SPACA6: variants seen among roughly 807,000 people sequenced by gnomAD.
SPACA6 encodes sperm acrosome membrane-associated protein 6.
For missense variants in SPACA6, 8 were observed against 2.8 expected (o/e 2.88, Z -1.34); for synonymous variants, 6 against 1.5 (o/e 4.05, Z -2.21).
intron 2 of SPACA6, among the ~76,000 whole-genome samples, chr19:51,697,983 C>G (rs1163255665): frequency 6.6e-6 from 1 of 152,176 alleles, no homozygotes; most frequent in Non-Finnish European, 1.5e-5. Context: ...AGGAGCCATT[C>G]TACACACTTA....
At chr19:51,684,043 A>G in the SPACA6 span, among the ~76,000 whole-genome samples, 2 of 151,074 alleles carry the variant, frequency 1.3e-5, no homozygotes, top group Non-Finnish European at 3.0e-5. Context: ...GATTCTAACC[A>G]GCTCTGTCAG....
chr19:51,697,813 C>T (rs931542566), intron 2 of SPACA6, among the ~76,000 whole-genome samples: 3 of 152,088 alleles, frequency 2.0e-5, no homozygotes, highest in Non-Finnish European at 2.9e-5. Context: ...ATGTATGCAG[C>T]GATTAGGTGT....
At chr19:51,693,131 A>C, upstream of SPACA6, 3 of 385,746 alleles carry the variant, frequency 7.8e-6, no homozygotes, top group Non-Finnish European at 1.6e-5. Context: ...CCCTCCCGAT[A>C]TCTCTCTGTG....
chr19:51,705,099 T>C lies in SPACA6; in HGVS notation c.951T>C (p.Phe317=). The C allele has an allele frequency of 2.5e-6, 1 of 401,352 alleles. No homozygotes were observed. 24.9% of individuals were successfully genotyped at this position (401,352 alleles called of 1,614,324 possible). The change falls in exon 9 of 9, where the codon TTT becomes TTC. Residue 317 remains phenylalanine, a synonymous_variant. Transcript: ENST00000637797. ...CTCTTTGTTTCCCCAGGATGTTCTT[T>C]CGATGGTACTGCAGTGGCAACTAAC... The part of the protein sequence containing the change: ...ASATVLAWMF[F]RWYCSGN
At chr19:51,682,889 G>A in the SPACA6 span, among the ~76,000 whole-genome samples, 2 of 151,942 alleles carry the variant, frequency 1.3e-5, no homozygotes, top group African/African-American at 2.4e-5. Context: ...CTAAAAATAC[G>A]AAAATTAGCC....
chr19:51,704,934 C>T (rs2083506294), intron 8 of SPACA6, 156 bp from the exon 9 acceptor site: 1 of 387,636 alleles, frequency 2.6e-6, no homozygotes, highest in South Asian at 1.3e-4. Flanking sequence ...GTTTCTCTTC[C>T]TTCAGACCCA....
rs1274765792 is a variant in SPACA6 at position 51,697,882 on chromosome 19, C to A, written c.292+3327C>A. Among the ~76,000 whole-genome samples, 5 of 152,188 alleles carry A rather than the reference C, an allele frequency of 3.3e-5. No homozygotes were observed. In the East Asian group the frequency reaches 7.7e-4, roughly 23 times the overall value. Reference sequence around the variant, plus strand: ...GTAGCCATGTGATTTTGGACCACTTCTCTAATCTCCCCATGCCTCCGTTTC... The same window carrying A: ...GTAGCCATGTGATTTTGGACCACTTATCTAATCTCCCCATGCCTCCGTTTC... On this transcript the variant is annotated intron_variant, in intron 2 of 8. Transcript: ENST00000637797.
chr19:51,703,733 G>A lies in SPACA6; in HGVS notation c.574-297G>A, dbSNP rs1451597928. Among the ~76,000 whole-genome samples, 1 of 152,156 alleles carries A rather than the reference G, an allele frequency of 6.6e-6. No homozygotes were observed. The highest frequency in any genetic ancestry group is 1.9e-4 in the East Asian group (1 of 5,196). ...AGACTGCTTAAGTCCAGGAGTTTGA[G>A]GCTGCAGTGAGCTATGATCGCGCCA... On this transcript the variant is annotated intron_variant, in intron 6 of 8. Transcript: ENST00000637797. This position sits in a 1 kb window ranked among gnomAD's most constrained non-coding sequence, Gnocchi z 4.2.
chr19:51,688,157 C>G (rs1023957390), upstream of SPACA6: 1 of 152,644 alleles, frequency 6.6e-6, no homozygotes, highest in Admixed American at 6.5e-5. Flanking sequence ...CCCTAAGAAT[C>G]TGACCCCGCC....
At chr19:51,694,150 G>A in intron 1 of SPACA6, 1 of 286,898 alleles carries the variant, frequency 3.5e-6, no homozygotes. Flanking sequence ...GTTGGAGACT[G>A]GAGAGGGAAT....
the SPACA6 span, among the ~76,000 whole-genome samples, chr19:51,682,837 G>A: frequency 0.35 from 53,443 of 152,006 alleles, 9,793 homozygotes; most frequent in Admixed American, 0.47. Context: ...GAGGTCAGGC[G>A]TTTGAGACCA....
intron 2 of SPACA6, among the ~76,000 whole-genome samples, chr19:51,695,762 A>G (rs2083425687): frequency 6.6e-6 from 1 of 152,176 alleles, no homozygotes; most frequent in Non-Finnish European, 1.5e-5. Flanking sequence ...ATGGGGGACA[A>G]ACTTGGAGGG....
intron 2 of SPACA6, among the ~76,000 whole-genome samples, chr19:51,701,203 C>G (rs1469515184): frequency 6.6e-6 from 1 of 151,400 alleles, no homozygotes; most frequent in African/African-American, 2.4e-5. Flanking sequence ...GCCTGGGTGA[C>G]AGTGAGACAC....
upstream of SPACA6, chr19:51,686,942 C>T (rs2083330881): frequency 6.6e-6 from 1 of 152,078 alleles, no homozygotes; most frequent in Non-Finnish European, 1.5e-5. Context: ...AAGCATTTAT[C>T]GAATATCTGG....
chr19:51,684,085 G>GT, the SPACA6 span, among the ~76,000 whole-genome samples: 1 of 152,128 alleles, frequency 6.6e-6, no homozygotes. Flanking sequence ...AAATATTCTG[G>GT]TTGGCCTATT....
chr19:51,709,854 G>T (rs895095613), downstream of SPACA6, among the ~76,000 whole-genome samples: 1 of 152,164 alleles, frequency 6.6e-6, no homozygotes, highest in Non-Finnish European at 1.5e-5. Context: ...TAGAATCAGT[G>T]GGATTTGCTG....
At chr19:51,706,547 C>T (rs991145923), downstream of SPACA6, among the ~76,000 whole-genome samples, 2 of 152,158 alleles carry the variant, frequency 1.3e-5, no homozygotes, top group African/African-American at 4.8e-5. Context: ...GTATCACAAA[C>T]CCACCTCTCT....
At chr19:51,692,677 G>A (rs753910680), upstream of SPACA6, 13 of 533,068 alleles carry the variant, frequency 2.4e-5, no homozygotes, top group East Asian at 5.5e-5. This position sits in a 1 kb window ranked among gnomAD's most constrained non-coding sequence, Gnocchi z 5.6. Flanking sequence ...CTGTGGGTCC[G>A]TGTCGGGGGC....
In SPACA6 at chr19:51,705,187, T is replaced by G. The variant is rs1234546785; in HGVS notation, c.*64T>G. ...CTGAAAATAAAGAATATATTTCAAC[T>G]CTAGATTGTTTCATCTCCGAAGGTG... is the stretch of plus-strand genomic sequence containing the variant. On this transcript the variant is annotated 3_prime_UTR_variant, in exon 9 of 9. Coordinates refer to ENST00000637797, the MANE Select transcript of SPACA6 (RefSeq NM_001316972.2). 1 of 400,998 alleles carries G rather than the reference T, an allele frequency of 2.5e-6. No individual in the cohort carries two copies. Among genetic ancestry groups the G allele is most frequent in the Non-Finnish European group, 4.4e-6 (1 of 226,162 alleles). The allele number at this position is 400,998 out of a possible 1,614,324, so 24.8% of individuals were successfully genotyped here.
Sources: allele counts gnomAD v4.1 joint callset (sites outside exome capture counted in the v4.1 genomes callset), GRCh38; gene constraint gnomAD v4.1.1; non-coding constraint Gnocchi (gnomAD v3.1); transcripts MANE v1.5; gene names NCBI Gene and HGNC (gene_info 2026-07-23, HGNC 2026-07-21).